The following MALT1 variants were observed in gnomAD, a reference collection of about 807,000 sequenced individuals.
MALT1 encodes mucosa-associated lymphoid tissue lymphoma translocation protein 1.
MALT1 carries 36 observed loss-of-function variants against 85.5 expected under a neutral mutation model. The observed-to-expected ratio is 0.42, with a 90% CI of 0.32 to 0.56. The LOEUF is 0.56. MALT1 is among the 20% of genes least tolerant of loss of function. The pLI, the probability that MALT1 is intolerant of heterozygous loss-of-function variation, is 0.10. For missense variants in MALT1, 716 were observed against 981.6 expected (o/e 0.73, Z 3.62); for synonymous variants, 359 against 361.3 (o/e 0.99, Z 0.07).
chr18:58,754,392 G>A lies in MALT1; in HGVS notation c.*6550G>A, dbSNP rs958647882. Reference sequence around the variant, plus strand: ...AAGGATTTGACCTGAAGTTAATGTTGCTACATTATGCTCAATACAGCAGGC... The same window carrying A: ...AAGGATTTGACCTGAAGTTAATGTTACTACATTATGCTCAATACAGCAGGC... On this transcript the variant is annotated 3_prime_UTR_variant, in exon 17 of 17. Transcript: ENST00000649217. 2.0e-5 allele frequency: 3 copies of A among 152,184 alleles called. No individual in the cohort carries two copies. Among genetic ancestry groups the A allele is most frequent in the African/African-American group, 7.2e-5 (3 of 41,436 alleles). The allele number at this position is 152,184 out of a possible 1,614,324, so 9.4% of individuals were successfully genotyped here.
chr18:58,696,578 GTT>G (rs1369868993), intron 3 of MALT1, 91 bp downstream of exon 3: 7 of 1,107,568 alleles, frequency 6.3e-6, no homozygotes, highest in Non-Finnish European at 7.4e-6. Flanking sequence ...AGTTTTAACA[GTT>G]TGGTAAAAGA....
chr18:58,696,010 C>T (rs1363780683), intron 2 of MALT1, among the ~76,000 whole-genome samples: 3 of 152,214 alleles, frequency 2.0e-5, no homozygotes, highest in African/African-American at 7.2e-5. Flanking sequence ...TACCCTGTGG[C>T]TGTGCCTGAC....
In MALT1 at chr18:58,744,342, T is replaced by C. The variant is rs2055338827; in HGVS notation, c.1758T>C (p.Leu586=). 2 of 1,590,112 alleles carry C rather than the reference T, an allele frequency of 1.3e-6. No homozygotes were observed. ...GTTCTTATTGTTCTTTTTCAGAACT[T>C]CCAGAAAGTATGTGTCTTAAGTTTG... The part of the protein sequence containing the change: ...RNLQWAKAHE[L]PESMCLKFDC... Residue 586 remains leucine (L), a synonymous_variant, in exon 15 of 17, where the codon CTT becomes CTC. Coordinates refer to ENST00000649217, the MANE Select transcript of MALT1 (RefSeq NM_006785.4).
At chr18:58,732,945 C>CT (rs1459054577) in intron 10 of MALT1, among the ~76,000 whole-genome samples, 1 of 150,770 alleles carries the variant, frequency 6.6e-6, no homozygotes, top group African/African-American at 2.5e-5. Context: ...GAGTTTTGCT[C>CT]TGTCGCCCAG....
intron 9 of MALT1, among the ~76,000 whole-genome samples, chr18:58,722,340 T>C (rs1340546860): frequency 6.6e-6 from 1 of 152,128 alleles, no homozygotes; most frequent in Non-Finnish European, 1.5e-5. Flanking sequence ...AAAAAACTGT[T>C]TCTATCAGAA....
chr18:58,735,635 C>G (rs906736406), intron 13 of MALT1, among the ~76,000 whole-genome samples: 1 of 151,918 alleles, frequency 6.6e-6, no homozygotes, highest in Non-Finnish European at 1.5e-5. Context: ...GCTTCTATGC[C>G]CAGTGCCTTG....
At position 58,752,535 on chromosome 18, in the gene MALT1, T is replaced by C. The variant is rs2055459885; in HGVS notation, c.*4693T>C. 6.6e-6 allele frequency: 1 copy of C among 151,230 alleles called. No homozygotes were observed. Among genetic ancestry groups the C allele is most frequent in the Non-Finnish European group, 1.5e-5 (1 of 67,958 alleles). 9.4% of individuals were successfully genotyped at this position (151,230 alleles called of 1,614,324 possible). A position where few individuals can be genotyped will look rare whatever the true frequency, so the allele number is the denominator to read the frequency against. ...GGCTCACACCTGTAATCCCAGCACT[T>C]CGGGAGACTGCGGTAAGCAGATCAT... On this transcript the variant is annotated 3_prime_UTR_variant, in exon 17 of 17. Transcript: ENST00000649217.
intron 12 of MALT1, chr18:58,734,701 C>A: frequency 7.6e-6 from 2 of 261,930 alleles, no homozygotes; most frequent in East Asian, 7.2e-5. Flanking sequence ...TCGACTTTAG[C>A]ATTCCATATC....
chr18:58,675,558 G>A (rs2054226983), intron 1 of MALT1: 1 of 152,178 alleles, frequency 6.6e-6, no homozygotes, highest in Non-Finnish European at 1.5e-5. Flanking sequence ...GCTGCAGTGA[G>A]CCTCAACAAT....
chr18:58,746,769 C>T (rs1435586231), intron 16 of MALT1, among the ~76,000 whole-genome samples: 2 of 151,868 alleles, frequency 1.3e-5, no homozygotes, highest in African/African-American at 2.4e-5. Context: ...TCTCTGTCGC[C>T]TAGGTTGGAA....
chr18:58,751,071 G>A lies in MALT1; in HGVS notation c.*3229G>A, dbSNP rs61094869. 0.17 allele frequency: 25,366 copies of A among 152,238 alleles called. 2,707 individuals are homozygous for A. The highest frequency in any genetic ancestry group is 0.29 in the East Asian group (1,517 of 5,186). 9.4% of individuals were successfully genotyped at this position (152,238 alleles called of 1,614,324 possible). A position where few individuals can be genotyped will look rare whatever the true frequency, so the allele number is the denominator to read the frequency against. On this transcript the variant is annotated 3_prime_UTR_variant, in exon 17 of 17. Transcript: ENST00000649217. ...TGTGATGATGGGATGCTTGGTATCC[G>A]CACTCCCAGTGTGATAGCCTTTAGC... is the stretch of plus-strand genomic sequence containing the variant.
chr18:58,703,842 G>A lies in MALT1; in HGVS notation c.649+3251G>A, dbSNP rs76706112. Among the ~76,000 whole-genome samples the A allele has an allele frequency of 6.9e-3, 1,046 of 152,264 alleles. 15 individuals are homozygous for A. The highest frequency in any genetic ancestry group is 0.024 in the African/African-American group (991 of 41,538). ...AGGGGTAATTTATATACAGTACAAT[G>A]TACAGATACGTGTACAGTCCAGTGA... On this transcript the variant is annotated intron_variant, in intron 4 of 16. Coordinates refer to ENST00000649217, the MANE Select transcript of MALT1 (RefSeq NM_006785.4).
intron 7 of MALT1, among the ~76,000 whole-genome samples, chr18:58,713,107 A>G (rs1265021439): frequency 2.0e-5 from 3 of 152,180 alleles, no homozygotes; most frequent in African/African-American, 7.2e-5. Context: ...GAAGGCAAAA[A>G]AAATTGCACA....
chr18:58,680,700 G>A (rs1215479109), intron 1 of MALT1, among the ~76,000 whole-genome samples: 1 of 152,036 alleles, frequency 6.6e-6, no homozygotes, highest in Non-Finnish European at 1.5e-5. Flanking sequence ...GAGGCAGGTG[G>A]ATCATGAGGT....
intron 3 of MALT1, chr18:58,697,411 T>C (rs2054605897): frequency 6.6e-6 from 1 of 152,220 alleles, no homozygotes. Context: ...GTAAAAAGAT[T>C]GCATGTAGCT....
chr18:58,713,624 C>T lies in MALT1; in HGVS notation c.959-459C>T, dbSNP rs570156110. On this transcript the variant is annotated intron_variant, in intron 7 of 16. Coordinates refer to ENST00000649217, the MANE Select transcript of MALT1 (RefSeq NM_006785.4). ...CATTAGTTGTGACAAATATACTATTCTAGCATAAGACGTGACAAATACACT... is the reference window on the plus strand; with the variant it reads ...CATTAGTTGTGACAAATATACTATTTTAGCATAAGACGTGACAAATACACT... Among the ~76,000 whole-genome samples the T allele has an allele frequency of 1.1e-4, 16 of 152,294 alleles. No individual in the cohort carries two copies. In the East Asian group the frequency reaches 3.1e-3, roughly 29 times the overall value.
At chr18:58,677,557 A>G (rs1345973808) in intron 1 of MALT1, 1 of 152,204 alleles carries the variant, frequency 6.6e-6, no homozygotes, top group African/African-American at 2.4e-5. Context: ...AAATTTCACA[A>G]AATAAGAGCA....
intron 14 of MALT1, among the ~76,000 whole-genome samples, chr18:58,742,792 G>A (rs1432377456): frequency 4.6e-5 from 7 of 152,190 alleles, no homozygotes; most frequent in Non-Finnish European, 8.8e-5. Context: ...CATGGCACTC[G>A]ACAAGTCCTC....
chr18:58,739,104 T>C (rs1336730166), intron 13 of MALT1, among the ~76,000 whole-genome samples: 2 of 152,214 alleles, frequency 1.3e-5, no homozygotes, highest in Non-Finnish European at 2.9e-5. Flanking sequence ...GTTTCTTTTC[T>C]TTCAATTTCT....
Sources: gnomAD v4.1 joint callset for allele counts (sites outside exome capture counted in the v4.1 genomes callset) on GRCh38, gnomAD v4.1.1 for gene constraint, MANE v1.5 for transcripts, NCBI Gene and HGNC (gene_info 2026-07-23, HGNC 2026-07-21) for gene names.